DGKB: variants seen among roughly 807,000 people sequenced by gnomAD.
DGKB encodes diacylglycerol kinase beta.
A neutral mutation model predicts 114.3 loss-of-function variants in DGKB; 67 were observed. The ratio of observed to expected loss-of-function variants is 0.59; its 90% CI spans 0.48 to 0.72. DGKB has a LOEUF of 0.72. Ranked by LOEUF, DGKB falls within the 30% of genes least tolerant of loss-of-function variation. The pLI, the probability that DGKB is intolerant of heterozygous loss-of-function variation, is 0.00. For synonymous variants in DGKB, 398 were observed against 323.1 expected (o/e 1.23, Z -2.49); for missense variants, 907 against 975.2 (o/e 0.93, Z 0.93).
At chr7:14,884,930 G>A (rs954897950) in intron 1 of DGKB, among the ~76,000 whole-genome samples, 2 of 151,832 alleles carry the variant, frequency 1.3e-5, no homozygotes, top group East Asian at 1.9e-4. Flanking sequence ...CTTAAATCAC[G>A]TAAAACTCAG....
intron 21 of DGKB, among the ~76,000 whole-genome samples, chr7:14,417,099 A>C (rs1372589904): frequency 6.6e-6 from 1 of 152,098 alleles, no homozygotes; most frequent in Non-Finnish European, 1.5e-5. Flanking sequence ...TATTGTTTCT[A>C]ATAAATTAAC....
intron 23 of DGKB, among the ~76,000 whole-genome samples, chr7:14,231,093 T>C (rs67424692): frequency 0.11 from 7,700 of 71,800 alleles, 259 homozygotes; most frequent in African/African-American, 0.15. Flanking sequence ...CTTTCTTTCT[T>C]TCTTTCTTTC....
intron 23 of DGKB, among the ~76,000 whole-genome samples, chr7:14,232,588 TG>T (rs1562689649): frequency 1.3e-5 from 2 of 151,898 alleles, no homozygotes; most frequent in African/African-American, 4.8e-5. Flanking sequence ...TCAAAATTTG[TG>T]TGATTCCATC....
chr7:14,482,163 T>A (rs867973824), intron 20 of DGKB, among the ~76,000 whole-genome samples: 1 of 152,022 alleles, frequency 6.6e-6, no homozygotes, highest in African/African-American at 2.4e-5. Context: ...AATACCTGCC[T>A]TGCTTTGAAG....
At chr7:14,690,906 A>ATTTT (rs1822735987) in intron 9 of DGKB, among the ~76,000 whole-genome samples, 1 of 152,242 alleles carries the variant, frequency 6.6e-6, no homozygotes, top group East Asian at 1.9e-4. Flanking sequence ...TCACAAAGCC[A>ATTTT]TCCAAATTCT....
At chr7:14,479,597 A>T (rs986259394) in intron 20 of DGKB, among the ~76,000 whole-genome samples, 3 of 152,136 alleles carry the variant, frequency 2.0e-5, no homozygotes, top group Non-Finnish European at 4.4e-5. Flanking sequence ...GCTAGGAAGT[A>T]CAAATATCAA....
intron 20 of DGKB, among the ~76,000 whole-genome samples, chr7:14,562,366 C>G (rs909052533): frequency 6.6e-6 from 1 of 152,208 alleles, no homozygotes; most frequent in Non-Finnish European, 1.5e-5. Context: ...CACAGAGTCC[C>G]CACTGGGACA....
At chr7:14,366,451 G>T (rs1023191832) in intron 21 of DGKB, among the ~76,000 whole-genome samples, 3 of 152,104 alleles carry the variant, frequency 2.0e-5, no homozygotes, top group African/African-American at 4.8e-5. Context: ...CCTGCCCCAG[G>T]CAAACTGACA....
chr7:14,393,985 G>GA (rs201505394), intron 21 of DGKB, among the ~76,000 whole-genome samples: 32 of 143,270 alleles, frequency 2.2e-4, no homozygotes, highest in Middle Eastern at 3.7e-3. Flanking sequence ...TTTTTAAAAA[G>GA]AAAAAAAAAA....
At chr7:14,196,467 ACT>A (rs779837531) in intron 23 of DGKB, among the ~76,000 whole-genome samples, 1 of 151,498 alleles carries the variant, frequency 6.6e-6, no homozygotes, top group Non-Finnish European at 1.5e-5. Flanking sequence ...CTCCCCCCAC[ACT>A]CCCTTTCTTT....
chr7:14,399,015 T>C (rs1822681728), intron 21 of DGKB, among the ~76,000 whole-genome samples: 1 of 151,822 alleles, frequency 6.6e-6, no homozygotes, highest in Admixed American at 6.6e-5. Context: ...AGAGAAAGTA[T>C]AGTGAAATTA....
intron 2 of DGKB, among the ~76,000 whole-genome samples, chr7:14,807,441 C>A (rs1222032480): frequency 1.3e-5 from 2 of 151,678 alleles, no homozygotes; most frequent in East Asian, 3.9e-4. Flanking sequence ...TTGTATAATT[C>A]TCAGCTCAAT....
chr7:14,589,552 G>A (rs1563607603), intron 17 of DGKB, among the ~76,000 whole-genome samples: 2 of 151,726 alleles, frequency 1.3e-5, no homozygotes, highest in Admixed American at 1.3e-4. Context: ...CCTTCTTTTT[G>A]ATGGAGATTT....
intron 21 of DGKB, among the ~76,000 whole-genome samples, chr7:14,434,071 G>A (rs1828883456): frequency 6.6e-6 from 1 of 152,170 alleles, no homozygotes; most frequent in Non-Finnish European, 1.5e-5. Context: ...TAAGATTAGT[G>A]ATGGTCAATC....
chr7:14,540,049 T>C (rs1793168537), intron 20 of DGKB, among the ~76,000 whole-genome samples: 1 of 152,060 alleles, frequency 6.6e-6, no homozygotes, highest in African/African-American at 2.4e-5. Flanking sequence ...TTATTTAATA[T>C]TTCACTTAAG....
intron 1 of DGKB, among the ~76,000 whole-genome samples, chr7:14,948,625 C>T (rs1384402393): frequency 6.6e-6 from 1 of 151,786 alleles, no homozygotes; most frequent in Non-Finnish European, 1.5e-5. Flanking sequence ...TCAGTAGCAT[C>T]TCTGGTCATC....
intron 20 of DGKB, among the ~76,000 whole-genome samples, chr7:14,521,173 A>C (rs1789707749): frequency 6.6e-6 from 1 of 152,140 alleles, no homozygotes; most frequent in African/African-American, 2.4e-5. Flanking sequence ...ACATTTGCCA[A>C]ATGCACATTA....
At chr7:14,524,959 A>G (rs560766479) in intron 20 of DGKB, among the ~76,000 whole-genome samples, 1 of 149,940 alleles carries the variant, frequency 6.7e-6, no homozygotes, top group Non-Finnish European at 1.5e-5. Flanking sequence ...TCTGCAATAT[A>G]TATAAAAACT....
At chr7:14,470,111 T>TA (rs1038378476) in intron 21 of DGKB, among the ~76,000 whole-genome samples, 7 of 152,004 alleles carry the variant, frequency 4.6e-5, no homozygotes, top group East Asian at 1.9e-4. Context: ...GTTTCTTCTT[T>TA]AAAAACACAT....
Sources: allele counts gnomAD v4.1 joint callset (sites outside exome capture counted in the v4.1 genomes callset), GRCh38; gene constraint gnomAD v4.1.1; transcripts MANE v1.5; gene names NCBI Gene and HGNC (gene_info 2026-07-23, HGNC 2026-07-21).